WWC1: variants seen among roughly 807,000 people sequenced by gnomAD.
WWC1 encodes the protein protein KIBRA.
In WWC1, 55 loss-of-function variants were observed where a neutral mutation model predicts 138.4. That is an observed-to-expected ratio of 0.40 (90% CI 0.32 to 0.50). The LOEUF is 0.50. WWC1 is among the 20% of genes least tolerant of loss of function. The probability of loss-of-function intolerance (pLI) is 0.72; values close to 1 mark genes in which losing one functional copy is unlikely to be tolerated. For synonymous variants in WWC1, 524 were observed against 564.9 expected (o/e 0.93, Z 1.03); for missense variants, 1,226 against 1,420.4 (o/e 0.86, Z 2.20).
At chr5:168,453,938 G>C in intron 17 of WWC1, 30 bp from the exon 18 acceptor site, 1 of 1,611,326 alleles carries the variant, frequency 6.2e-7, no homozygotes, top group Non-Finnish European at 8.5e-7. Context: ...CGGCTTCTGG[G>C]TGGGTAACCA....
chr5:168,364,283 G>A (rs191759613), intron 1 of WWC1, among the ~76,000 whole-genome samples: 30 of 152,206 alleles, frequency 2.0e-4, no homozygotes, highest in Admixed American at 1.4e-3. Flanking sequence ...CCTTAACCAT[G>A]GAGCTGACCA....
chr5:168,397,655 G>A lies in WWC1; in HGVS notation c.434-69G>A, dbSNP rs180722279. ...TTCCCTTTCTAGGTTTATTTAGATG[G>A]CCAATAAGCCAACTTTGCTGAAATC... On this transcript the variant is annotated intron_variant, in intron 3 of 22. Transcript: ENST00000265293. 1,362 of 1,529,736 alleles carry A rather than the reference G, an allele frequency of 8.9e-4. 4 individuals carry two copies. The highest frequency in any genetic ancestry group is 9.7e-4 in the Non-Finnish European group (1,077 of 1,111,310). The allele number at this position is 1,529,736 out of a possible 1,614,324, so 94.8% of individuals were successfully genotyped here.
At chr5:168,411,153 T>C (rs1780212075) in intron 8 of WWC1, among the ~76,000 whole-genome samples, 1 of 151,912 alleles carries the variant, frequency 6.6e-6, no homozygotes, top group African/African-American at 2.4e-5. Flanking sequence ...GGTCTCAGTC[T>C]CCTGACCTTG....
At chr5:168,336,640 G>T (rs1773493202) in intron 1 of WWC1, among the ~76,000 whole-genome samples, 1 of 151,640 alleles carries the variant, frequency 6.6e-6, no homozygotes, top group African/African-American at 2.4e-5. Flanking sequence ...CGGCCAGGAG[G>T]ATCTGAGCCT....
At chr5:168,437,134 G>T (rs984216297) in intron 15 of WWC1, among the ~76,000 whole-genome samples, 3 of 152,004 alleles carry the variant, frequency 2.0e-5, no homozygotes, top group African/African-American at 7.3e-5. Flanking sequence ...CCTCTGCCTG[G>T]CATTCTGTCC....
intron 12 of WWC1, 64 bp downstream of exon 12, chr5:168,428,205 C>T: frequency 1.3e-6 from 2 of 1,512,878 alleles, no homozygotes; most frequent in South Asian, 2.4e-5. Context: ...ATATCCAGAG[C>T]CTAGGCCTGT....
intron 17 of WWC1, among the ~76,000 whole-genome samples, chr5:168,451,363 T>C (rs1346953303): frequency 2.6e-5 from 4 of 152,162 alleles, no homozygotes; most frequent in African/African-American, 7.2e-5. Flanking sequence ...TAACAGACAC[T>C]TCACCTGGGA....
intron 22 of WWC1, among the ~76,000 whole-genome samples, 176 bp downstream of exon 22, chr5:168,468,140 T>C (rs1302752574): frequency 6.6e-6 from 1 of 152,264 alleles, no homozygotes; most frequent in African/African-American, 2.4e-5. Flanking sequence ...TGCAGCGCTC[T>C]TCCCTTGGCT....
At chr5:168,367,363 G>T (rs1776374313) in intron 1 of WWC1, among the ~76,000 whole-genome samples, 2 of 151,974 alleles carry the variant, frequency 1.3e-5, no homozygotes, top group South Asian at 2.1e-4. Flanking sequence ...ACGGAGTCTT[G>T]CTCTGTCCCC....
Position 168,410,000 on chromosome 5 carries a change from T to C in WWC1, c.941+5T>C, listed in dbSNP as rs767979334. 1 of 1,611,894 alleles carries C rather than the reference T, an allele frequency of 6.2e-7. No individual in the cohort carries two copies. Among genetic ancestry groups the C allele is most frequent in the Non-Finnish European group, 8.5e-7 (1 of 1,178,928 alleles). On this transcript the variant is annotated splice_donor_5th_base_variant and intron_variant, in intron 8 of 22. Transcript: ENST00000265293. ...ATATGAAGAGGCTAAGAGAAGGTAA[T>C]TGGGCTGGGGCTAGGGGCGGGATGG...
rs571729743 is a variant in WWC1 at position 168,317,742 on chromosome 5, G to A, written c.119+25471G>A. Among the ~76,000 whole-genome samples, 147 of 152,314 alleles carry A rather than the reference G, an allele frequency of 9.7e-4. 1 individual carries two copies. In the South Asian group the frequency reaches 0.029, roughly 30 times the overall value. ...TTAAAAGGCTGGATTATGTGGGAAG[G>A]AGAGGCAAGTGGACTGGGACAGTTT... On this transcript the variant is annotated intron_variant, in intron 1 of 22. Transcript: ENST00000265293.
chr5:168,403,271 G>A (rs78185352), intron 5 of WWC1, among the ~76,000 whole-genome samples: 4,487 of 151,872 alleles, frequency 0.03, 120 homozygotes, highest in African/African-American at 0.067. Flanking sequence ...CTAATTTTTT[G>A]TATTTTTAGT....
intron 9 of WWC1, chr5:168,416,220 T>C (rs6898493): frequency 0.55 from 82,996 of 151,992 alleles, 24,339 homozygotes; most frequent in East Asian, 0.77. Flanking sequence ...TAGTCAGAAC[T>C]GCTAACAGTG....
intron 1 of WWC1, among the ~76,000 whole-genome samples, chr5:168,359,964 G>A (rs543534440): frequency 6.6e-6 from 1 of 152,238 alleles, no homozygotes; most frequent in East Asian, 1.9e-4. Flanking sequence ...TCCTGCTTTG[G>A]GAATGTTGCT....
chr5:168,342,891 C>T (rs955858675), intron 1 of WWC1, among the ~76,000 whole-genome samples: 7 of 152,108 alleles, frequency 4.6e-5, no homozygotes, highest in African/African-American at 1.4e-4. Flanking sequence ...ACACTCTGGG[C>T]AGTAGGGTTT....
rs373701830 is a variant in WWC1, at chr5:168,467,859, A to G, written c.3170A>G (p.His1057Arg). ...LEKRQMDRAE[H>R]KGELQTDKMM... ...GCCCAGCAGATGGACCGAGCGGAGC[A>G]CAAGGGTGAGCTTCAGACAGACAAG... is the stretch of plus-strand genomic sequence containing the variant. The change falls in exon 22 of 23, where the codon CAC (histidine) becomes CGC (arginine). Residue 1057 changes from histidine (H) to arginine (R), a missense_variant. By Grantham distance (29) the His-to-Arg change is conservative. This residue lies in a region of WWC1 where 206 missense variants were observed against 247.4 expected (regional missense o/e 0.83). Transcript: ENST00000265293. The G allele has an allele frequency of 7.9e-4, 1,278 of 1,614,192 alleles. 14 individuals are homozygous for G. The South Asian group carries it at 0.013, about 17-fold the overall frequency.
chr5:168,338,891 T>C (rs562275811), intron 1 of WWC1, among the ~76,000 whole-genome samples: 1 of 152,292 alleles, frequency 6.6e-6, no homozygotes, highest in Non-Finnish European at 1.5e-5. Flanking sequence ...ACAGGAGGAA[T>C]ACATTCTAGT....
At chr5:168,455,853 T>G (rs887274610) in intron 19 of WWC1, among the ~76,000 whole-genome samples, 3 of 152,168 alleles carry the variant, frequency 2.0e-5, no homozygotes, top group African/African-American at 7.2e-5. Flanking sequence ...ACACAGGCAT[T>G]TCCTTCCCAC....
intron 15 of WWC1, among the ~76,000 whole-genome samples, chr5:168,438,333 C>T (rs1440649087): frequency 6.6e-6 from 1 of 152,114 alleles, no homozygotes; most frequent in Non-Finnish European, 1.5e-5. Flanking sequence ...CTGCTGTTCT[C>T]ATGATAGTGA....
Sources: allele counts gnomAD v4.1 joint callset (sites outside exome capture counted in the v4.1 genomes callset), GRCh38; gene constraint gnomAD v4.1.1; regional missense constraint gnomAD v4.1.1; transcripts MANE v1.5; gene names NCBI Gene and HGNC (gene_info 2026-07-23, HGNC 2026-07-21).